RFC3: variants seen among roughly 807,000 people sequenced by gnomAD.
RFC3 encodes replication factor C subunit 3.
RFC3 carries 41 observed loss-of-function variants against 45.1 expected under a neutral mutation model. The ratio of observed to expected loss-of-function variants is 0.91; its 90% CI spans 0.71 to 1.18. RFC3 has a LOEUF of 1.18. RFC3 is among the 50% of genes most tolerant of loss of function. RFC3 has a pLI of 0.00. For synonymous variants in RFC3, 149 were observed against 144.0 expected (o/e 1.03, Z -0.25); for missense variants, 423 against 428.1 (o/e 0.99, Z 0.10).
chr13:33,955,348 T>C (rs955862725), intron 8 of RFC3, among the ~76,000 whole-genome samples: 2 of 152,154 alleles, frequency 1.3e-5, no homozygotes, highest in Admixed American at 1.3e-4. Context: ...TGTGGGTATT[T>C]TTTTTCCTTA....
chr13:33,941,605 C>T (rs1035815717), intron 8 of RFC3, among the ~76,000 whole-genome samples: 8 of 152,142 alleles, frequency 5.3e-5, no homozygotes, highest in African/African-American at 1.9e-4. Context: ...TTGTTTCTGT[C>T]AATAAACCAG....
At chr13:33,884,751 C>T (rs1366155513) in intron 8 of RFC3, among the ~76,000 whole-genome samples, 1 of 152,188 alleles carries the variant, frequency 6.6e-6, no homozygotes, top group African/African-American at 2.4e-5. Flanking sequence ...TGAAGTATAT[C>T]TGAGCTTCTT....
intron 8 of RFC3, among the ~76,000 whole-genome samples, chr13:33,866,823 G>T (rs1279372420): frequency 2.0e-5 from 3 of 152,146 alleles, no homozygotes; most frequent in African/African-American, 7.2e-5. Flanking sequence ...AGGCCTACCA[G>T]GAGGAATAGG....
chr13:33,901,664 C>T (rs926842998), intron 8 of RFC3, among the ~76,000 whole-genome samples: 1 of 151,978 alleles, frequency 6.6e-6, no homozygotes, highest in African/African-American at 2.4e-5. Context: ...ATCTATTTTA[C>T]GTTTCACGTG....
chr13:33,892,192 G>A (rs1182448142), intron 8 of RFC3, among the ~76,000 whole-genome samples: 1 of 152,124 alleles, frequency 6.6e-6, no homozygotes, highest in East Asian at 1.9e-4. Flanking sequence ...GAAATTTGCT[G>A]TTCCTTAGGG....
intron 8 of RFC3, among the ~76,000 whole-genome samples, chr13:33,860,930 C>G (rs1344455691): frequency 6.6e-6 from 1 of 150,654 alleles, no homozygotes; most frequent in Non-Finnish European, 1.5e-5. Flanking sequence ...TTTACCAGGT[C>G]TTGCTCTGTT....
chr13:33,898,411 G>A (rs1013329740), intron 8 of RFC3, among the ~76,000 whole-genome samples: 2 of 151,516 alleles, frequency 1.3e-5, no homozygotes, highest in Admixed American at 1.3e-4. Context: ...AACAACCAAT[G>A]GCTCAATAAA....
chr13:33,971,614 A>G, the RFC3 span, among the ~76,000 whole-genome samples: 54 of 152,364 alleles, frequency 3.5e-4, no homozygotes, highest in African/African-American at 1.3e-3. Flanking sequence ...TTGTCCTCCA[A>G]TAAAACTTTA....
chr13:33,844,185 G>C (rs2082220881), intron 8 of RFC3, among the ~76,000 whole-genome samples: 1 of 152,168 alleles, frequency 6.6e-6, no homozygotes, highest in South Asian at 2.1e-4. Flanking sequence ...CTCTTTTAAA[G>C]GATTGCCTCT....
chr13:33,953,506 C>T (rs1352167091), intron 8 of RFC3, among the ~76,000 whole-genome samples: 1 of 152,024 alleles, frequency 6.6e-6, no homozygotes, highest in Non-Finnish European at 1.5e-5. Flanking sequence ...TTAGAGATGT[C>T]ATAAATATAG....
intron 8 of RFC3, among the ~76,000 whole-genome samples, chr13:33,881,328 A>G (rs1006634934): frequency 2.6e-5 from 4 of 152,314 alleles, no homozygotes; most frequent in Non-Finnish European, 5.9e-5. Context: ...GAGAATATTC[A>G]TTCGTTAGTT....
chr13:33,965,369 C>G (rs1016384788), intron 8 of RFC3, among the ~76,000 whole-genome samples: 3 of 152,000 alleles, frequency 2.0e-5, no homozygotes, highest in African/African-American at 7.3e-5. Context: ...ACACAAATAC[C>G]ATTGCCAAGA....
rs568334347 is a variant in RFC3, at chr13:33,845,407, T to G, written c.879+10190T>G. Reference sequence around the variant, plus strand: ...ACCTTTTCTTTAAGGCCAGTAACTCTTAGATATGCCCTCTTGAAGATATTT... The same window carrying G: ...ACCTTTTCTTTAAGGCCAGTAACTCGTAGATATGCCCTCTTGAAGATATTT... On this transcript the variant is annotated intron_variant, in intron 8 of 8. Coordinates refer to the RFC3 transcript ENST00000434425. 2.0e-5 allele frequency among the ~76,000 whole-genome samples: 3 copies of G among 152,356 alleles called. No homozygotes were observed. In the South Asian group the frequency reaches 6.2e-4, roughly 32 times the overall value.
chr13:33,943,006 T>C (rs911944763), intron 8 of RFC3, among the ~76,000 whole-genome samples: 1 of 152,194 alleles, frequency 6.6e-6, no homozygotes, highest in African/African-American at 2.4e-5. Context: ...TCAATAATCA[T>C]TGGAGAATTT....
chr13:33,830,942 C>T, intron 6 of RFC3, 87 bp downstream of exon 6: 2 of 1,131,846 alleles, frequency 1.8e-6, no homozygotes, highest in South Asian at 1.5e-5. Flanking sequence ...ACAATTTTTC[C>T]ATGGACTGGG....
At chr13:33,921,198 A>G (rs917316453) in intron 8 of RFC3, among the ~76,000 whole-genome samples, 1 of 152,174 alleles carries the variant, frequency 6.6e-6, no homozygotes, top group Non-Finnish European at 1.5e-5. Context: ...TGAATGTGGC[A>G]GACATGTTTC....
intron 8 of RFC3, among the ~76,000 whole-genome samples, chr13:33,946,400 T>C (rs2082954625): frequency 6.6e-6 from 1 of 152,194 alleles, no homozygotes; most frequent in Admixed American, 6.5e-5. Flanking sequence ...AGAAACTCTT[T>C]TTACTCTTAA....
chr13:33,818,266 G>A lies in RFC3; in HGVS notation c.87+1G>A, dbSNP rs2081966545. The A allele has an allele frequency of 1.7e-5, 28 of 1,613,350 alleles. No homozygotes were observed. Among genetic ancestry groups the A allele is most frequent in the Non-Finnish European group, 2.3e-5 (27 of 1,179,750 alleles). On this transcript the variant is annotated splice_donor_variant, in intron 1 of 8. Transcript: ENST00000380071. LOFTEE classifies it high-confidence loss of function. Reference sequence around the variant, plus strand: ...GCAGGCGGCCCAGCTGCGGAACCTGGTGAGTCTGCGGGGGCCGGGAGCGTG... The same window carrying A: ...GCAGGCGGCCCAGCTGCGGAACCTGATGAGTCTGCGGGGGCCGGGAGCGTG...
intron 8 of RFC3, among the ~76,000 whole-genome samples, chr13:33,921,199 G>T (rs749154158): frequency 3.6e-4 from 55 of 152,160 alleles, no homozygotes; most frequent in Non-Finnish European, 6.5e-4. Context: ...GAATGTGGCA[G>T]ACATGTTTCC....
Sources: gnomAD v4.1 joint callset for allele counts (sites outside exome capture counted in the v4.1 genomes callset) on GRCh38, gnomAD v4.1.1 for gene constraint, MANE v1.5 for transcripts, NCBI Gene and HGNC (gene_info 2026-07-23, HGNC 2026-07-21) for gene names.